The following KCNMA1 variants were observed in gnomAD, a reference collection of about 807,000 sequenced individuals.
KCNMA1 encodes the protein Calcium-activated potassium channel subunit alpha-1.
Under a neutral mutation model 140.0 loss-of-function variants are expected in KCNMA1, and 29 were observed. The observed-to-expected ratio is 0.21, with a 90% CI of 0.15 to 0.28. KCNMA1 has a LOEUF of 0.28. Ranked by LOEUF, KCNMA1 falls within the 10% of genes least tolerant of loss-of-function variation. The probability of loss-of-function intolerance (pLI) is 1.00; values close to 1 mark genes in which losing one functional copy is unlikely to be tolerated. For missense variants in KCNMA1, 880 were observed against 1,602.2 expected (o/e 0.55, Z 7.70); for synonymous variants, 612 against 611.9 (o/e 1.00, Z 0.00).
At chr10:77,462,475 A>T (rs756294106) in intron 1 of KCNMA1, among the ~76,000 whole-genome samples, 6 of 152,232 alleles carry the variant, frequency 3.9e-5, no homozygotes, top group Admixed American at 6.5e-5. Flanking sequence ...GTAAACATAC[A>T]TACACGTAAA....
At chr10:77,473,732 G>A (rs1340772375) in intron 1 of KCNMA1, among the ~76,000 whole-genome samples, 1 of 152,166 alleles carries the variant, frequency 6.6e-6, no homozygotes, top group Non-Finnish European at 1.5e-5. Context: ...ACTCGACAGA[G>A]TGAATACACA....
intron 1 of KCNMA1, among the ~76,000 whole-genome samples, chr10:77,512,874 C>A (rs1454327774): frequency 6.6e-6 from 1 of 152,186 alleles, no homozygotes; most frequent in Non-Finnish European, 1.5e-5. Flanking sequence ...AAGTCCAAGC[C>A]ACCGTTCCAC....
chr10:77,028,493 C>A lies in KCNMA1; in HGVS notation c.1860-602G>T, dbSNP rs533077013. Among the ~76,000 whole-genome samples, 16 of 152,162 alleles carry A rather than the reference C, an allele frequency of 1.1e-4. No homozygotes were observed. The South Asian group carries it at 3.3e-3, about 32-fold the overall frequency. On this transcript the variant is annotated intron_variant, in intron 15 of 27. Transcript: ENST00000286628. Reference sequence around the variant, plus strand: ...GGCTGGCTTGTTCCTGTTTCCATCCCTTCCCTTGTGCGTTCCCCACTCTCG... The same window carrying A: ...GGCTGGCTTGTTCCTGTTTCCATCCATTCCCTTGTGCGTTCCCCACTCTCG...
chr10:77,492,383 T>G (rs1056544129), intron 1 of KCNMA1, among the ~76,000 whole-genome samples: 2 of 152,220 alleles, frequency 1.3e-5, no homozygotes, highest in African/African-American at 4.8e-5. Flanking sequence ...TCCTTGGCCT[T>G]CTGCATCTAA....
chr10:77,032,570 A>G (rs1371179040), intron 15 of KCNMA1, among the ~76,000 whole-genome samples: 1 of 152,184 alleles, frequency 6.6e-6, no homozygotes, highest in African/African-American at 2.4e-5. Flanking sequence ...GGGAATAGAA[A>G]TGACTTCTTT....
chr10:77,183,633 A>T (rs2098820558), intron 4 of KCNMA1, 101 bp from the exon 5 acceptor site: 1 of 806,024 alleles, frequency 1.2e-6, no homozygotes, highest in Non-Finnish European at 2.1e-6. Context: ...GAGTTTTCAT[A>T]GGGCCACCAC....
chr10:77,357,061 C>T (rs1163743955), intron 2 of KCNMA1, among the ~76,000 whole-genome samples: 1 of 152,192 alleles, frequency 6.6e-6, no homozygotes, highest in African/African-American at 2.4e-5. Context: ...ATAAAACCAA[C>T]ACAGAAGAAA....
At chr10:77,033,980 G>A (rs906525820) in intron 15 of KCNMA1, among the ~76,000 whole-genome samples, 4 of 152,144 alleles carry the variant, frequency 2.6e-5, no homozygotes, top group African/African-American at 9.7e-5. Flanking sequence ...GGTGGCTCAC[G>A]CCTGTAATCC....
chr10:77,471,152 A>G (rs952094140), intron 1 of KCNMA1, among the ~76,000 whole-genome samples: 1 of 149,664 alleles, frequency 6.7e-6, no homozygotes, highest in Non-Finnish European at 1.5e-5. Context: ...ATAACAACTC[A>G]CACTACACAC....
chr10:77,251,091 CAGA>C (rs2059576416), intron 3 of KCNMA1, 101 bp downstream of exon 3: 1 of 908,796 alleles, frequency 1.1e-6, no homozygotes, highest in Non-Finnish European at 1.8e-6. Flanking sequence ...CTTCTGCACT[CAGA>C]AGGTCTTGCA....
chr10:77,108,407 CA>C lies in KCNMA1; in HGVS notation c.1223+73del, dbSNP rs35119991. 4.6e-3 allele frequency: 6,443 copies of C among 1,399,612 alleles called. No homozygotes were observed. Among genetic ancestry groups the C allele is most frequent in the East Asian group, 0.034 (1,433 of 41,832 alleles). The allele number at this position is 1,399,612 out of a possible 1,614,324, so 86.7% of individuals were successfully genotyped here. A position where few individuals can be genotyped will look rare whatever the true frequency, so the allele number is the denominator to read the frequency against. On this transcript the variant is annotated intron_variant, in intron 9 of 27. Coordinates refer to ENST00000286628, the MANE Select transcript of KCNMA1 (RefSeq NM_001161352.2). This position sits in a 1 kb window ranked among gnomAD's most constrained non-coding sequence, Gnocchi z 4.6. ...ATGCATGAAACAAAGAAACAAGAGC[CA>C]AAAAAAAAAAAAAATGGCATGCAGA...
At chr10:77,022,971 A>G in intron 16 of KCNMA1, 1 of 455,354 alleles carries the variant, frequency 2.2e-6, no homozygotes, top group Non-Finnish European at 4.4e-6. Flanking sequence ...TCAACATTGA[A>G]AGCAAAACTT....
chr10:77,450,690 C>T (rs553046775), intron 1 of KCNMA1, among the ~76,000 whole-genome samples: 74 of 152,252 alleles, frequency 4.9e-4, no homozygotes, highest in African/African-American at 1.7e-3. Flanking sequence ...TCATGTCCAG[C>T]CTCAGACCCA....
intron 1 of KCNMA1, among the ~76,000 whole-genome samples, chr10:77,526,556 G>A (rs1420250507): frequency 6.6e-6 from 1 of 152,180 alleles, no homozygotes; most frequent in Non-Finnish European, 1.5e-5. Flanking sequence ...CTAGACAAAT[G>A]TTAGTGGCCC....
chr10:77,353,970 T>TTGGGG (rs2093192779), intron 2 of KCNMA1, among the ~76,000 whole-genome samples: 1 of 92,936 alleles, frequency 1.1e-5, no homozygotes, highest in Admixed American at 1.2e-4. Context: ...CCTCTTTTTT[T>TTGGGG]GGGGGGGGGG....
At chr10:77,312,949 C>T (rs1002047397) in intron 2 of KCNMA1, among the ~76,000 whole-genome samples, 1 of 152,252 alleles carries the variant, frequency 6.6e-6, no homozygotes, top group South Asian at 2.1e-4. Context: ...GGACAAATTA[C>T]CACATGATTT....
intron 8 of KCNMA1, among the ~76,000 whole-genome samples, chr10:77,109,012 A>C (rs988037359): frequency 1.3e-5 from 2 of 152,038 alleles, no homozygotes. Flanking sequence ...TTTATGAGTG[A>C]CAAAAGAAAA....
chr10:76,971,221 G>T (rs1164210371), intron 19 of KCNMA1, among the ~76,000 whole-genome samples: 1 of 152,142 alleles, frequency 6.6e-6, no homozygotes, highest in Non-Finnish European at 1.5e-5. Flanking sequence ...ATGCACAGCA[G>T]TTACCTTAAA....
intron 13 of KCNMA1, 53 bp downstream of exon 13, chr10:77,079,428 G>A: frequency 1.0e-6 from 1 of 971,828 alleles, no homozygotes; most frequent in Non-Finnish European, 1.7e-6. Flanking sequence ...AGGAAGAAGA[G>A]GCTGGACCTG....
Sources: allele counts gnomAD v4.1 joint callset (sites outside exome capture counted in the v4.1 genomes callset), GRCh38; gene constraint gnomAD v4.1.1; non-coding constraint Gnocchi (gnomAD v3.1); transcripts MANE v1.5; gene names NCBI Gene and HGNC (gene_info 2026-07-23, HGNC 2026-07-21).